GPT2: variants seen among roughly 807,000 people sequenced by gnomAD.
The protein encoded by GPT2 is alanine aminotransferase 2.
GPT2 carries 30 observed loss-of-function variants against 56.9 expected under a neutral mutation model. The observed-to-expected ratio is 0.53, with a 90% CI of 0.39 to 0.72. The LOEUF (loss-of-function observed/expected upper bound fraction) is 0.72. GPT2 is among the 30% of genes least tolerant of loss of function. The pLI, the probability that GPT2 is intolerant of heterozygous loss-of-function variation, is 0.00. For synonymous variants in GPT2, 271 were observed against 283.1 expected (o/e 0.96, Z 0.43); for missense variants, 542 against 703.4 (o/e 0.77, Z 2.60).
intron 11 of GPT2, 66 bp downstream of exon 11, chr16:46,927,103 C>A: frequency 9.9e-7 from 1 of 1,013,644 alleles, no homozygotes; most frequent in Non-Finnish European, 1.5e-6. Context: ...GACTTCTTGA[C>A]ATGGAGCAGA....
At chr16:46,914,095 T>C (rs1961095843) in intron 6 of GPT2, among the ~76,000 whole-genome samples, 1 of 152,238 alleles carries the variant, frequency 6.6e-6, no homozygotes, top group Admixed American at 6.5e-5. Flanking sequence ...GCACATCAGA[T>C]ATTCCCGGTG....
In GPT2 at chr16:46,906,877, C is replaced by T. The variant is rs749413260; in HGVS notation, c.478C>T (p.Arg160Cys). 17 of 1,614,134 alleles carry T rather than the reference C, an allele frequency of 1.1e-5. No individual in the cohort carries two copies. The highest frequency in any genetic ancestry group is 2.2e-5 in the East Asian group (1 of 44,906). Residue 160 changes from arginine to cysteine, a missense_variant, in exon 5 of 12, where the codon CGT (arginine) becomes TGT (cysteine). Transcript: ENST00000340124. Reference protein sequence around the residue: ...YSASQGVNCIREDVAAYITRR... With the variant: ...YSASQGVNCICEDVAAYITRR... ...TGCTAGCCAGGGTGTCAACTGCATC[C>T]GTGAAGATGTGGCTGCCTACATCAC...
intron 3 of GPT2, among the ~76,000 whole-genome samples, chr16:46,898,161 G>T (rs1315129321): frequency 6.6e-6 from 1 of 152,234 alleles, no homozygotes; most frequent in East Asian, 1.9e-4. Context: ...CTGCGTACCA[G>T]TTGGGTGGCT....
At chr16:46,906,230 A>G (rs1960923067) in intron 4 of GPT2, among the ~76,000 whole-genome samples, 2 of 152,062 alleles carry the variant, frequency 1.3e-5, no homozygotes, top group South Asian at 4.2e-4. Context: ...ATGCCACCAC[A>G]CCTGGCTGAT....
chr16:46,897,518 A>G lies in GPT2; in HGVS notation c.244-130A>G. 3 of 765,844 alleles carry G rather than the reference A, an allele frequency of 3.9e-6. No individual in the cohort carries two copies. In the African/African-American group the frequency reaches 5.2e-5, roughly 13 times the overall value. The allele number at this position is 765,844 out of a possible 1,614,324, so 47.4% of individuals were successfully genotyped here. A position where few individuals can be genotyped will look rare whatever the true frequency, so the allele number is the denominator to read the frequency against. On this transcript the variant is annotated intron_variant, in intron 2 of 11. Coordinates refer to ENST00000340124, the MANE Select transcript of GPT2 (RefSeq NM_133443.4). ...AGACCAGGCATGTCAAAGGCCTGGC[A>G]CCAAGTCAGATACTTGGTAAGCCTC... is the stretch of plus-strand genomic sequence containing the variant.
At chr16:46,906,745 C>A in intron 4 of GPT2, 97 bp from the exon 5 acceptor site, 1 of 1,517,914 alleles carries the variant, frequency 6.6e-7, no homozygotes, top group Non-Finnish European at 9.0e-7. Flanking sequence ...ACCCTCACCC[C>A]AAACAGGCAT....
intron 9 of GPT2, among the ~76,000 whole-genome samples, chr16:46,923,651 G>T: frequency 6.6e-6 from 1 of 152,172 alleles, no homozygotes; most frequent in East Asian, 1.9e-4. Flanking sequence ...CCACTTGGCC[G>T]GCGGCACCTG....
At position 46,922,772 on chromosome 16, in the gene GPT2, C is replaced by T. The variant is rs191617682; in HGVS notation, c.1212+356C>T. The stretch of plus-strand genomic sequence containing the variant: ...AGAGGGGCGCAGCATCGATCCCAGG[C>T]CCCCACCCGCCTCTGCCAACCTGTG... On this transcript the variant is annotated intron_variant, in intron 9 of 11. Transcript: ENST00000340124. Among the ~76,000 whole-genome samples, 8 of 152,184 alleles carry T rather than the reference C, an allele frequency of 5.3e-5. No homozygotes were observed. In the East Asian group the frequency reaches 1.5e-3, roughly 29 times the overall value.
Position 46,924,430 on chromosome 16 carries a change from G to C in GPT2, c.1254G>C (p.Lys418Asn). ...SVLGNLAKKA[K>N]LTEDLFNQVP... ...TGGGTAATCTGGCCAAAAAAGCAAA[G>C]CTGACGGAAGACCTGTTTAACCAAG... Residue 418 changes from lysine (K) to asparagine (N), a missense_variant, in exon 10 of 12, where the codon AAG becomes AAC. Transcript: ENST00000340124. 1 of 1,614,232 alleles carries C rather than the reference G, an allele frequency of 6.2e-7. No homozygotes were observed. The highest frequency in any genetic ancestry group is 1.3e-5 in the African/African-American group (1 of 75,058).
At chr16:46,893,805 T>C (rs1960632628) in intron 2 of GPT2, among the ~76,000 whole-genome samples, 1 of 152,082 alleles carries the variant, frequency 6.6e-6, no homozygotes, top group African/African-American at 2.4e-5. Flanking sequence ...GATTCGAAGG[T>C]GGCTCTAGAA....
At chr16:46,898,887 T>TAC (rs1165235838) in intron 3 of GPT2, among the ~76,000 whole-genome samples, 3 of 141,736 alleles carry the variant, frequency 2.1e-5, no homozygotes, top group African/African-American at 7.8e-5. Context: ...TATATATATA[T>TAC]ACGTATATAT....
At chr16:46,885,114 G>T in intron 2 of GPT2, 156 bp downstream of exon 2, 1 of 1,349,834 alleles carries the variant, frequency 7.4e-7, no homozygotes, top group Non-Finnish European at 9.5e-7. Context: ...CCTCCCGCCC[G>T]TTCACTTACT....
intron 5 of GPT2, among the ~76,000 whole-genome samples, 173 bp from the exon 6 acceptor site, chr16:46,909,511 T>C (rs1961000278): frequency 6.6e-6 from 1 of 152,034 alleles, no homozygotes; most frequent in African/African-American, 2.4e-5. Context: ...AATGTTGTAT[T>C]TTGCTTACTC....
chr16:46,919,544 G>C (rs1369815081), intron 8 of GPT2, among the ~76,000 whole-genome samples: 1 of 152,238 alleles, frequency 6.6e-6, no homozygotes, highest in African/African-American at 2.4e-5. Context: ...TGTGCTGGCA[G>C]AACACACCTG....
intron 2 of GPT2, among the ~76,000 whole-genome samples, chr16:46,894,117 T>A (rs1960639430): frequency 6.6e-6 from 1 of 152,176 alleles, no homozygotes; most frequent in African/African-American, 2.4e-5. Context: ...CATAGCAAAG[T>A]GTCCAGGATC....
Position 46,930,721 on chromosome 16 carries a change from T to C in GPT2, c.*1724T>C, listed in dbSNP as rs1272605722. On this transcript the variant is annotated 3_prime_UTR_variant, in exon 12 of 12. Coordinates refer to ENST00000340124, the MANE Select transcript of GPT2 (RefSeq NM_133443.4). ...TTATATTTTTGTAACAATTGCTTTTTTCATGGGGGAGGCGGGGTTAGTATT... is the reference window on the plus strand; with the variant it reads ...TTATATTTTTGTAACAATTGCTTTTCTCATGGGGGAGGCGGGGTTAGTATT... The C allele has an allele frequency of 2.6e-5, 4 of 152,642 alleles. No individual in the cohort carries two copies. The East Asian group carries it at 7.7e-4, about 29-fold the overall frequency. The allele number at this position is 152,642 out of a possible 1,614,324, so 9.5% of individuals were successfully genotyped here.
At chr16:46,894,833 G>A (rs1960654670) in intron 2 of GPT2, among the ~76,000 whole-genome samples, 1 of 152,092 alleles carries the variant, frequency 6.6e-6, no homozygotes. Context: ...GCCTGGCTAA[G>A]TTTTTGTATT....
chr16:46,890,030 C>A (rs1169030071), intron 2 of GPT2, among the ~76,000 whole-genome samples: 1 of 152,204 alleles, frequency 6.6e-6, no homozygotes, highest in Non-Finnish European at 1.5e-5. Context: ...TTGACCACCC[C>A]ACGGATGCCC....
At position 46,906,988 on chromosome 16, in the gene GPT2, G is replaced by T; in HGVS notation, c.576+13G>T. 1 of 1,614,110 alleles carries T rather than the reference G, an allele frequency of 6.2e-7. No homozygotes were observed. The highest frequency in any genetic ancestry group is 8.5e-7 in the Non-Finnish European group (1 of 1,179,966). ...TGACGGCATTTCTGTACGTGTGAGG[G>T]TGGCTCGTTGTTATCCGGTGTTTAC... On this transcript the variant is annotated intron_variant, in intron 5 of 11. Transcript: ENST00000340124.
Sources: allele counts gnomAD v4.1 joint callset (sites outside exome capture counted in the v4.1 genomes callset), GRCh38; gene constraint gnomAD v4.1.1; transcripts MANE v1.5; gene names NCBI Gene and HGNC (gene_info 2026-07-23, HGNC 2026-07-21).